MYO9B: variants seen among roughly 807,000 people sequenced by gnomAD.
MYO9B encodes the protein myosin IXB.
Under a neutral mutation model 229.5 loss-of-function variants are expected in MYO9B, and 71 were observed. That is an observed-to-expected ratio of 0.31 (90% CI 0.26 to 0.38). The LOEUF is 0.38. MYO9B is among the 10% of genes least tolerant of loss of function. The pLI is 1.00. For missense variants in MYO9B, 2,255 were observed against 2,920.5 expected, an observed-to-expected ratio of 0.77 and a Z score of 5.25; for synonymous variants, 1,185 against 1,235.8, an observed-to-expected ratio of 0.96 and a Z score of 0.86.
intron 2 of MYO9B, among the ~76,000 whole-genome samples, chr19:17,107,771 A>G (rs1037379836): frequency 1.2e-4 from 18 of 152,164 alleles, no homozygotes; most frequent in Non-Finnish European, 4.4e-5. Flanking sequence ...TATAACAAGG[A>G]CACCACTCAT....
chr19:17,115,388 T>C (rs994420726), intron 2 of MYO9B, among the ~76,000 whole-genome samples: 17 of 152,092 alleles, frequency 1.1e-4, no homozygotes, highest in Non-Finnish European at 2.2e-4. Flanking sequence ...ATAGGAATTT[T>C]TTTTCCTTTG....
rs746675627 is a variant in MYO9B, at chr19:17,192,855, G to C, written c.2921G>C (p.Arg974Pro). The part of the protein sequence containing the change: ...QSWFRMVLER[R>P]HFLQMKRAAV... ...TGGTTCCGGATGGTGCTGGAGCGTCGGCACTTCCTGCAGATGAAGCGGGCC... is the reference window on the plus strand; with the variant it reads ...TGGTTCCGGATGGTGCTGGAGCGTCCGCACTTCCTGCAGATGAAGCGGGCC... The change falls in exon 21 of 40, where the codon CGG becomes CCG. Residue 974 changes from arginine (R) to proline (P), a missense_variant. By Grantham distance (103) the Arg-to-Pro change is moderately radical. This residue lies in a region of MYO9B where 679 missense variants were observed against 770.2 expected (regional missense o/e 0.88). Transcript: ENST00000682292. The C allele has an allele frequency of 3.2e-6, 5 of 1,551,482 alleles. No homozygotes were observed. The African/African-American group carries it at 4.1e-5, about 13-fold the overall frequency.
At chr19:17,111,810 C>T (rs2057850516) in intron 2 of MYO9B, among the ~76,000 whole-genome samples, 1 of 152,190 alleles carries the variant, frequency 6.6e-6, no homozygotes, top group South Asian at 2.1e-4. Context: ...GCCCTGGCAG[C>T]CACTAACCTG....
intron 22 of MYO9B, among the ~76,000 whole-genome samples, chr19:17,196,187 TGGAA>T (rs2145465983): frequency 6.9e-6 from 1 of 144,308 alleles, no homozygotes; most frequent in South Asian, 2.2e-4. Flanking sequence ...ATAGAGATGA[TGGAA>T]GGATGGATGG....
chr19:17,097,281 A>G (rs908049420), intron 1 of MYO9B, among the ~76,000 whole-genome samples: 1 of 151,782 alleles, frequency 6.6e-6, no homozygotes, highest in African/African-American at 2.4e-5. Flanking sequence ...AGATCACAGC[A>G]CTGTGCTCTA....
intron 26 of MYO9B, 65 bp from the exon 27 acceptor site, chr19:17,201,861 C>A: frequency 8.2e-7 from 1 of 1,225,128 alleles, no homozygotes; most frequent in Non-Finnish European, 1.2e-6. Context: ...ACCCCTTGGG[C>A]ACCTCCTCGG....
Position 17,195,137 on chromosome 19 carries a change from C to T in MYO9B, c.3710C>T (p.Thr1237Met), listed in dbSNP as rs375812974. The T allele has an allele frequency of 1.6e-5, 26 of 1,611,480 alleles. No homozygotes were observed. The highest frequency in any genetic ancestry group is 8.4e-5 in the Admixed American group (5 of 59,688). Residue 1237 changes from threonine (T) to methionine (M), a missense_variant, in exon 22 of 40, where the codon ACG (threonine) becomes ATG (methionine). Physicochemically the swap from Thr to Met is moderately conservative, Grantham distance 81. Around this residue, in one of 7 missense-constraint regions of MYO9B, gnomAD observed 679 missense variants for 770.2 expected, o/e 0.88. Transcript: ENST00000682292. This position sits in a 1 kb window ranked among gnomAD's most constrained non-coding sequence, Gnocchi z 4.5. The stretch of plus-strand genomic sequence containing the variant: ...AAGGTCTCTGAAGAAACTGAGAAGA[C>T]GCTGCCCAGTGGGAGCCCCAGGCCT... ...VGKVSEETEK[T>M]LPSGSPRPGQ...
intron 15 of MYO9B, among the ~76,000 whole-genome samples, chr19:17,181,758 G>T (rs180878060): frequency 1.2e-3 from 179 of 152,022 alleles, no homozygotes; most frequent in African/African-American, 3.6e-3. Flanking sequence ...TCTTTCTTTC[G>T]TTCGTTCTTT....
chr19:17,084,799 G>T (rs2057567287), intron 1 of MYO9B, among the ~76,000 whole-genome samples: 1 of 152,018 alleles, frequency 6.6e-6, no homozygotes, highest in African/African-American at 2.4e-5. Flanking sequence ...CAGCTACTTG[G>T]GAGGCTGAGG....
rs558231564 is a variant in MYO9B at position 17,107,727 on chromosome 19, C to T, written c.840+5170C>T. Among the ~76,000 whole-genome samples, 4 of 152,354 alleles carry T rather than the reference C, an allele frequency of 2.6e-5. No individual in the cohort carries two copies. In the South Asian group the frequency reaches 8.3e-4, roughly 32 times the overall value. ...CTCTGCCTCTGTCGTCAGGGGCGTT[C>T]TTCCTGTGTGTCCATGTCTTCACGT... On this transcript the variant is annotated intron_variant, in intron 2 of 39. Transcript: ENST00000682292.
At chr19:17,178,068 G>A (rs1321086748) in intron 14 of MYO9B, among the ~76,000 whole-genome samples, 3 of 152,340 alleles carry the variant, frequency 2.0e-5, no homozygotes, top group Admixed American at 1.3e-4. Flanking sequence ...GCAGGGCTGC[G>A]GGTGGGCCAA....
chr19:17,080,314 G>A (rs944671014), intron 1 of MYO9B, among the ~76,000 whole-genome samples: 7 of 152,176 alleles, frequency 4.6e-5, no homozygotes, highest in African/African-American at 1.7e-4. Context: ...GAAGTATATT[G>A]GCTTGCAGTT....
At chr19:17,166,501 T>A (rs76128876) in intron 10 of MYO9B, among the ~76,000 whole-genome samples, 4,343 of 150,718 alleles carry the variant, frequency 0.029, 214 homozygotes, top group African/African-American at 0.1. Context: ...ATATTTATGT[T>A]TTTTTTTTTC....
chr19:17,117,311 C>T (rs1483530177), intron 2 of MYO9B, among the ~76,000 whole-genome samples: 2 of 152,202 alleles, frequency 1.3e-5, no homozygotes, highest in African/African-American at 2.4e-5. Context: ...GCAGCTCAGT[C>T]CCCAATGTCA....
At position 17,153,953 on chromosome 19, in the gene MYO9B, A is replaced by G; in HGVS notation, c.999-14A>G. The G allele has an allele frequency of 6.2e-7, 1 of 1,608,862 alleles. No homozygotes were observed. Among genetic ancestry groups the G allele is most frequent in the Non-Finnish European group, 8.5e-7 (1 of 1,175,296 alleles). ...TCCAAAAACAACTATTTTCCTCCCA[A>G]TTTTGACCTGTAGGAACTACCATGT... On this transcript the variant is annotated splice_polypyrimidine_tract_variant and intron_variant, in intron 4 of 39. Transcript: ENST00000682292.
intron 2 of MYO9B, among the ~76,000 whole-genome samples, chr19:17,144,996 AAG>A (rs1057421776): frequency 1.3e-5 from 2 of 150,332 alleles, no homozygotes; most frequent in South Asian, 2.1e-4. Flanking sequence ...AAAAAAGAAA[AAG>A]AAAAAATAGA....
At chr19:17,205,177 G>T in intron 30 of MYO9B, 86 bp from the exon 31 acceptor site, 3 of 955,720 alleles carry the variant, frequency 3.1e-6, no homozygotes, top group African/African-American at 1.8e-5. Context: ...GAAGGCAATT[G>T]GCGGCCCCCG....
At chr19:17,139,875 CTACTAAA>C (rs1213378759) in intron 2 of MYO9B, among the ~76,000 whole-genome samples, 2 of 152,038 alleles carry the variant, frequency 1.3e-5, no homozygotes, top group Non-Finnish European at 2.9e-5. Flanking sequence ...AACCCCGTCT[CTACTAAA>C]AATACAAAAT....
chr19:17,176,279 AC>A (rs928270396), intron 14 of MYO9B, among the ~76,000 whole-genome samples: 27 of 148,468 alleles, frequency 1.8e-4, no homozygotes, highest in Non-Finnish European at 1.9e-4. Flanking sequence ...CTCGTGATCC[AC>A]CCGCCTCAGC....
Sources: gnomAD v4.1 joint callset for allele counts (sites outside exome capture counted in the v4.1 genomes callset) on GRCh38, gnomAD v4.1.1 for gene constraint, gnomAD v4.1.1 regional missense constraint, Gnocchi (gnomAD v3.1) non-coding constraint, MANE v1.5 for transcripts, NCBI Gene and HGNC (gene_info 2026-07-23, HGNC 2026-07-21) for gene names.